Variants in VAC14 observed in about 807,000 individuals in gnomAD.
VAC14 encodes the protein VAC14 component of PIKFYVE complex, also known as protein VAC14 homolog.
A neutral mutation model predicts 85.3 loss-of-function variants in VAC14; 47 were observed. The observed-to-expected ratio is 0.55, with a 90% confidence interval of 0.44 to 0.70. The LOEUF (loss-of-function observed/expected upper bound fraction) is 0.70, where lower values mean the gene tolerates loss of function less well. VAC14 is among the 30% of genes least tolerant of loss of function. VAC14 has a pLI of 0.00. For missense variants in VAC14, 861 were observed against 1,004.3 expected, an observed-to-expected ratio of 0.86 and a Z score of 1.93; for synonymous variants, 447 against 430.5, an observed-to-expected ratio of 1.04 and a Z score of -0.47.
chr16:70,736,945 CA>C (rs2054775113), intron 13 of VAC14, among the ~76,000 whole-genome samples: 1 of 152,108 alleles, frequency 6.6e-6, no homozygotes, highest in Non-Finnish European at 1.5e-5. Context: ...CAGTGCTCAG[CA>C]GGACAGGGTG....
intron 10 of VAC14, among the ~76,000 whole-genome samples, 165 bp from the exon 11 acceptor site, chr16:70,763,190 G>A (rs1193720093): frequency 1.3e-5 from 2 of 152,180 alleles, no homozygotes; most frequent in Non-Finnish European, 2.9e-5. Context: ...ATCCTTGCTG[G>A]TCTCCCACCA....
chr16:70,706,383 C>T (rs575223717), intron 14 of VAC14, among the ~76,000 whole-genome samples: 4 of 152,266 alleles, frequency 2.6e-5, no homozygotes, highest in Non-Finnish European at 5.9e-5. Context: ...CAACAGGCTT[C>T]AGGTGCCTGC....
At chr16:70,691,046 C>G (rs1465282064) in intron 18 of VAC14, 1 of 985,492 alleles carries the variant, frequency 1.0e-6, no homozygotes, top group Middle Eastern at 5.2e-4. Flanking sequence ...AAAGCATCCA[C>G]TGACCCTCAG....
At chr16:70,729,310 C>A (rs981205675) in intron 14 of VAC14, among the ~76,000 whole-genome samples, 4 of 152,208 alleles carry the variant, frequency 2.6e-5, no homozygotes, top group Non-Finnish European at 5.9e-5. Flanking sequence ...GTGGTGACAG[C>A]CTCCCCACTA....
intron 14 of VAC14, among the ~76,000 whole-genome samples, chr16:70,711,040 G>A (rs951398610): frequency 2.0e-5 from 3 of 152,236 alleles, no homozygotes; most frequent in Non-Finnish European, 2.9e-5. Flanking sequence ...GTCCCTCAGC[G>A]GGGAGCCGCC....
At chr16:70,721,337 G>C (rs2054286935) in intron 14 of VAC14, among the ~76,000 whole-genome samples, 1 of 152,072 alleles carries the variant, frequency 6.6e-6, no homozygotes, top group Non-Finnish European at 1.5e-5. Flanking sequence ...GGGGATGGGA[G>C]GAAGGGAAGA....
chr16:70,786,187 A>C (rs2034046778), intron 2 of VAC14, 28 bp downstream of exon 2: 5 of 1,610,720 alleles, frequency 3.1e-6, no homozygotes, highest in African/African-American at 1.3e-5. Context: ...CAGGACTGGT[A>C]TGTCTGTCCC....
chr16:70,710,251 C>CA, intron 14 of VAC14, among the ~76,000 whole-genome samples: 1 of 152,360 alleles, frequency 6.6e-6, no homozygotes, highest in East Asian at 1.9e-4. Flanking sequence ...CTGCAAGGGA[C>CA]ACAGACCTCC....
chr16:70,696,745 C>G (rs1358559159), intron 16 of VAC14: 4 of 229,138 alleles, frequency 1.7e-5, no homozygotes, highest in Admixed American at 5.1e-5. Context: ...CCCCCACCCC[C>G]ACACCAGGCC....
intron 13 of VAC14, among the ~76,000 whole-genome samples, chr16:70,739,262 C>T (rs1230194787): frequency 2.0e-5 from 3 of 152,178 alleles, no homozygotes; most frequent in East Asian, 1.9e-4. Flanking sequence ...CCCCAGTGCT[C>T]GTGATCCCTA....
chr16:70,786,087 G>T, intron 2 of VAC14, 128 bp downstream of exon 2: 2 of 1,466,384 alleles, frequency 1.4e-6, no homozygotes, highest in Non-Finnish European at 9.2e-7. Context: ...GGTCTCAGGT[G>T]CGGACAGAGT....
intron 18 of VAC14, chr16:70,691,570 G>T (rs2053596726): frequency 1.0e-6 from 1 of 985,500 alleles, no homozygotes; most frequent in Middle Eastern, 5.2e-4. Context: ...TGCATCAGGT[G>T]CTGTCTTCTG....
chr16:70,760,486 G>C (rs1198179366), intron 12 of VAC14, among the ~76,000 whole-genome samples: 1 of 152,122 alleles, frequency 6.6e-6, no homozygotes, highest in East Asian at 1.9e-4. Flanking sequence ...TAATGATGAA[G>C]GTCCCCAAAT....
chr16:70,789,645 A>G (rs1053105162), intron 1 of VAC14, among the ~76,000 whole-genome samples: 3 of 152,230 alleles, frequency 2.0e-5, no homozygotes, highest in Non-Finnish European at 4.4e-5. Flanking sequence ...AGAATTTATA[A>G]ATCCACTCTG....
intron 14 of VAC14, among the ~76,000 whole-genome samples, chr16:70,722,819 C>T (rs957791821): frequency 6.6e-6 from 1 of 152,086 alleles, no homozygotes; most frequent in African/African-American, 2.4e-5. Context: ...GTAGCTCATG[C>T]CTGTAATCCT....
intron 1 of VAC14, among the ~76,000 whole-genome samples, chr16:70,795,266 A>G (rs1435531224): frequency 1.3e-5 from 2 of 152,116 alleles, no homozygotes; most frequent in Non-Finnish European, 2.9e-5. Context: ...GGAGATCGGG[A>G]CCATCCTGCC....
Position 70,725,241 on chromosome 16 carries a change from C to G in VAC14, c.1661+6254G>C, listed in dbSNP as rs563154969. On this transcript the variant is annotated intron_variant, in intron 14 of 18. Transcript: ENST00000261776. ...AGGGGGTCCCGATGCCAAATGGACT[C>G]GAGATTCGGCAGCTGCAGGGGATGA... 1.4e-4 allele frequency among the ~76,000 whole-genome samples: 22 copies of G among 152,336 alleles called. No individual in the cohort carries two copies. The East Asian group carries it at 4.1e-3, about 28-fold the overall frequency.
chr16:70,779,079 G>A (rs1226456337), intron 9 of VAC14: 1 of 152,230 alleles, frequency 6.6e-6, no homozygotes, highest in Admixed American at 6.5e-5. Context: ...CCGCGTGGCA[G>A]GCGAGAATTC....
At chr16:70,712,026 A>G (rs376909833) in intron 14 of VAC14, among the ~76,000 whole-genome samples, 99 of 152,252 alleles carry the variant, frequency 6.5e-4, no homozygotes, top group African/African-American at 2.2e-3. Flanking sequence ...GGGCTCCTTC[A>G]GTTATTCTCG....
Sources: allele counts gnomAD v4.1 joint callset (sites outside exome capture counted in the v4.1 genomes callset), GRCh38; gene constraint gnomAD v4.1.1; transcripts MANE v1.5; gene names NCBI Gene and HGNC (gene_info 2026-07-23, HGNC 2026-07-21).